The following CCSER1 variants were observed in gnomAD, a reference collection of about 807,000 sequenced individuals.
CCSER1 encodes coiled-coil serine rich protein 1, also known as serine-rich coiled-coil domain-containing protein 1.
In CCSER1, 41 loss-of-function variants were observed where a neutral mutation model predicts 82.0. The ratio of observed to expected loss-of-function variants is 0.50; its 90% CI spans 0.39 to 0.65. CCSER1 has a LOEUF of 0.65. CCSER1 is among the 30% of genes least tolerant of loss of function. The pLI is 0.00. For missense variants in CCSER1, 1,119 were observed against 1,064.2 expected (o/e 1.05, Z -0.72); for synonymous variants, 414 against 383.9 (o/e 1.08, Z -0.92).
intron 4 of CCSER1, among the ~76,000 whole-genome samples, chr4:90,416,396 A>G (rs1755792175): frequency 6.6e-6 from 1 of 152,226 alleles, no homozygotes; most frequent in African/African-American, 2.4e-5. Flanking sequence ...GAGAGCAGGC[A>G]TTTTAAAGAT....
At chr4:91,447,915 G>A (rs1051512749) in intron 10 of CCSER1, among the ~76,000 whole-genome samples, 27 of 151,958 alleles carry the variant, frequency 1.8e-4, no homozygotes, top group African/African-American at 6.0e-4. Flanking sequence ...ATAAAGAGTG[G>A]TCCATAAAAA....
intron 5 of CCSER1, among the ~76,000 whole-genome samples, chr4:90,544,150 CTG>C (rs1776460065): frequency 6.6e-6 from 1 of 152,092 alleles, no homozygotes; most frequent in African/African-American, 2.4e-5. Context: ...GATTAGAAGA[CTG>C]TTTTTTATAG....
At chr4:90,836,944 A>G (rs1761878417) in intron 8 of CCSER1, among the ~76,000 whole-genome samples, 1 of 152,262 alleles carries the variant, frequency 6.6e-6, no homozygotes. Context: ...GGCATTTGCA[A>G]TGATCAGTTG....
chr4:91,365,077 G>A (rs1268298412), intron 10 of CCSER1, among the ~76,000 whole-genome samples: 1 of 152,128 alleles, frequency 6.6e-6, no homozygotes, highest in Non-Finnish European at 1.5e-5. Flanking sequence ...AAAGTATAGT[G>A]TTCGAGGCAA....
chr4:91,497,065 T>C (rs1758962073), intron 10 of CCSER1, among the ~76,000 whole-genome samples: 1 of 150,876 alleles, frequency 6.6e-6, no homozygotes, highest in Admixed American at 6.7e-5. Flanking sequence ...GTCTTAGGGA[T>C]AGCATATTAT....
At chr4:90,296,693 T>A (rs374840071) in intron 1 of CCSER1, among the ~76,000 whole-genome samples, 3 of 152,192 alleles carry the variant, frequency 2.0e-5, no homozygotes, top group Non-Finnish European at 4.4e-5. Flanking sequence ...AGGCATCCAG[T>A]TTCAGCTTTC....
chr4:91,065,873 C>CTG (rs149293475), intron 9 of CCSER1, among the ~76,000 whole-genome samples: 26,096 of 151,910 alleles, frequency 0.17, 2,303 homozygotes, highest in Admixed American at 0.22. Flanking sequence ...AATAATATGA[C>CTG]AATTAAAATG....
intron 10 of CCSER1, among the ~76,000 whole-genome samples, chr4:91,430,700 T>C (rs1437889200): frequency 1.3e-5 from 2 of 152,232 alleles, no homozygotes; most frequent in African/African-American, 2.4e-5. Flanking sequence ...AAAACCATTT[T>C]AGAAATGTTC....
chr4:91,465,916 C>A (rs1482292125), intron 10 of CCSER1, among the ~76,000 whole-genome samples: 2 of 152,102 alleles, frequency 1.3e-5, no homozygotes, highest in Admixed American at 1.3e-4. Context: ...CCGAATTCTA[C>A]CAGAGGTACA....
At chr4:91,439,114 T>G (rs1044535854) in intron 10 of CCSER1, among the ~76,000 whole-genome samples, 7 of 151,962 alleles carry the variant, frequency 4.6e-5, no homozygotes, top group Admixed American at 6.6e-5. Context: ...ACATTCAAAT[T>G]CAGGAAATAC....
At chr4:90,783,030 C>A (rs1754023877) in intron 7 of CCSER1, among the ~76,000 whole-genome samples, 1 of 152,096 alleles carries the variant, frequency 6.6e-6, no homozygotes, top group African/African-American at 2.4e-5. Flanking sequence ...TAACCTCTGC[C>A]TCCCTGGTTC....
chr4:91,373,704 A>G (rs925121808), intron 10 of CCSER1, among the ~76,000 whole-genome samples: 3 of 152,308 alleles, frequency 2.0e-5, no homozygotes, highest in Admixed American at 1.3e-4. Context: ...AAACAGTCAC[A>G]GGTCTCTCAC....
intron 3 of CCSER1, among the ~76,000 whole-genome samples, chr4:90,367,427 G>T (rs1383758087): frequency 1.3e-5 from 2 of 151,830 alleles, no homozygotes; most frequent in Non-Finnish European, 2.9e-5. Context: ...TCCAGAATTT[G>T]TATGTAATTA....
chr4:90,988,334 CAAAAAAAAAAAA>C (rs60408059), intron 9 of CCSER1, among the ~76,000 whole-genome samples: 12 of 75,368 alleles, frequency 1.6e-4, no homozygotes, highest in African/African-American at 6.4e-4. Context: ...TATCTTGTCT[CAAAAAAAAAAAA>C]AAAAAAAAAA....
At chr4:90,493,240 G>T (rs182818689) in intron 5 of CCSER1, among the ~76,000 whole-genome samples, 2 of 152,234 alleles carry the variant, frequency 1.3e-5, no homozygotes, top group East Asian at 3.9e-4. Flanking sequence ...AATGAACAAA[G>T]CCTCCAAGAA....
Position 90,308,441 on chromosome 4 carries a change from T to C in CCSER1, c.157T>C (p.Ser53Pro), listed in dbSNP as rs1487846192. 1 of 1,613,876 alleles carries C rather than the reference T, an allele frequency of 6.2e-7. No individual in the cohort carries two copies. The highest frequency in any genetic ancestry group is 8.5e-7 in the Non-Finnish European group (1 of 1,179,840). The change falls in exon 2 of 11, where the codon TCA becomes CCA. Residue 53 changes from serine (S) to proline (P), a missense_variant. Coordinates refer to ENST00000509176, the MANE Select transcript of CCSER1 (RefSeq NM_001145065.2). ...CTCTCCTTCCAGCACTAACTCAAGC[T>C]CAGGTAGCACAGGTAAACGGAGGAG... ...SSSPSSTNSS[S>P]GSTGKRRSIF... is the part of the protein sequence containing the mutation.
At chr4:91,524,731 C>A (rs561488905) in intron 10 of CCSER1, among the ~76,000 whole-genome samples, 1 of 151,918 alleles carries the variant, frequency 6.6e-6, no homozygotes, top group African/African-American at 2.4e-5. Flanking sequence ...GTGATTACAC[C>A]GCAGAAAACA....
intron 9 of CCSER1, among the ~76,000 whole-genome samples, chr4:90,925,611 G>A (rs998449300): frequency 1.3e-5 from 2 of 152,020 alleles, no homozygotes; most frequent in African/African-American, 2.4e-5. Context: ...AGCCTCTTAC[G>A]TATTTGCCTA....
chr4:90,272,737 T>C (rs1726783280), intron 1 of CCSER1, among the ~76,000 whole-genome samples: 1 of 152,196 alleles, frequency 6.6e-6, no homozygotes, highest in African/African-American at 2.4e-5. Flanking sequence ...ATAAAATGGC[T>C]CACGCCTGTA....
Sources: gnomAD v4.1 joint callset for allele counts (sites outside exome capture counted in the v4.1 genomes callset) on GRCh38, gnomAD v4.1.1 for gene constraint, MANE v1.5 for transcripts, NCBI Gene and HGNC (gene_info 2026-07-23, HGNC 2026-07-21) for gene names.